Variants in HIVEP1 observed in about 807,000 individuals in gnomAD.
HIVEP1 encodes the protein HIVEP zinc finger 1.
In HIVEP1, 36 loss-of-function variants were observed where a neutral mutation model predicts 180.0. The ratio of observed to expected loss-of-function variants is 0.20; its 90% CI spans 0.15 to 0.26. HIVEP1 has a LOEUF of 0.26. Ranked by LOEUF, HIVEP1 falls within the 10% of genes least tolerant of loss-of-function variation. The pLI, the probability that HIVEP1 is intolerant of heterozygous loss-of-function variation, is 1.00. For synonymous variants in HIVEP1, 1,239 were observed against 1,239.0 expected (o/e 1.00, Z 0.00); for missense variants, 3,143 against 3,268.7 (o/e 0.96, Z 0.94).
rs181917241 is a variant in HIVEP1, at chr6:12,156,227, T to G, written c.6488-5212T>G. On this transcript the variant is annotated intron_variant, in intron 7 of 8. Coordinates refer to ENST00000379388, the MANE Select transcript of HIVEP1 (RefSeq NM_002114.4). ...TGTTCACTCTGATGATAGTTCCTTT[T>G]GTTGTGCAGAAGCTCTGCAGTTTAA... 2.7e-3 allele frequency among the ~76,000 whole-genome samples: 405 copies of G among 152,334 alleles called. 1 individual carries two copies. The highest frequency in any genetic ancestry group is 9.2e-3 in the African/African-American group (382 of 41,584).
chr6:12,154,092 G>A (rs1427789294), intron 7 of HIVEP1, among the ~76,000 whole-genome samples: 1 of 152,162 alleles, frequency 6.6e-6, no homozygotes, highest in African/African-American at 2.4e-5. Flanking sequence ...AGGTTGCAGT[G>A]TACATGTGTA....
In HIVEP1 at chr6:12,163,326, G is replaced by A. The variant is rs771132921; in HGVS notation, c.7022G>A (p.Ser2341Asn). ...VRLPPAAAEH[S>N]PQTAAGMPSV... ...CTTCCTCCTGCTGCAGCTGAGCACAGCCCCCAGACAGCAGCGGGGATGCCT... is the reference window on the plus strand; with the variant it reads ...CTTCCTCCTGCTGCAGCTGAGCACAACCCCCAGACAGCAGCGGGGATGCCT... Residue 2341 changes from serine (S) to asparagine (N), a missense_variant, in exon 9 of 9, where the codon AGC becomes AAC. By Grantham distance (46) the Ser-to-Asn change is conservative. This residue lies in a region of HIVEP1 where 595 missense variants were observed against 602.2 expected (regional missense o/e 0.99). Coordinates refer to ENST00000379388, the MANE Select transcript of HIVEP1 (RefSeq NM_002114.4). The A allele has an allele frequency of 6.2e-6, 10 of 1,614,126 alleles. No homozygotes were observed. In the South Asian group the frequency reaches 9.9e-5, roughly 16 times the overall value.
At chr6:12,068,628 C>T (rs779610072) in intron 2 of HIVEP1, among the ~76,000 whole-genome samples, 3 of 151,972 alleles carry the variant, frequency 2.0e-5, no homozygotes, top group Admixed American at 6.6e-5. Flanking sequence ...TATGTGCACA[C>T]GTATTTGTGA....
the HIVEP1 span, among the ~76,000 whole-genome samples, chr6:12,198,061 A>G: frequency 7.2e-5 from 11 of 152,338 alleles, no homozygotes; most frequent in East Asian, 1.9e-4. Context: ...ATTGGCCTCA[A>G]TGTTGGAAAT....
chr6:12,085,986 G>A (rs1277808658), intron 2 of HIVEP1, among the ~76,000 whole-genome samples: 3 of 152,178 alleles, frequency 2.0e-5, no homozygotes, highest in East Asian at 3.9e-4. Flanking sequence ...TTGAAAATGA[G>A]ATATTTTTGC....
intron 7 of HIVEP1, among the ~76,000 whole-genome samples, chr6:12,153,417 G>A (rs220022): frequency 0.73 from 110,798 of 151,932 alleles, 40,779 homozygotes; most frequent in African/African-American, 0.76. Flanking sequence ...ATCATTCTCT[G>A]AGAAAAAGTC....
chr6:12,017,539 C>T (rs1014236244), intron 2 of HIVEP1, among the ~76,000 whole-genome samples: 2 of 144,312 alleles, frequency 1.4e-5, no homozygotes, highest in South Asian at 2.1e-4. Flanking sequence ...GCAGTTGCAA[C>T]TGCTGCCTCC....
chr6:12,177,168 T>A, the HIVEP1 span, among the ~76,000 whole-genome samples: 17 of 151,406 alleles, frequency 1.1e-4, no homozygotes, highest in Non-Finnish European at 8.8e-5. Flanking sequence ...TACTTGAGGG[T>A]GGAGGGTGGG....
At chr6:12,044,482 GC>G in intron 2 of HIVEP1, among the ~76,000 whole-genome samples, 1 of 152,206 alleles carries the variant, frequency 6.6e-6, no homozygotes, top group South Asian at 2.1e-4. Context: ...AGCAGTCAAA[GC>G]CAGCGCACCT....
At chr6:12,072,601 T>C (rs1478458243) in intron 2 of HIVEP1, among the ~76,000 whole-genome samples, 2 of 152,202 alleles carry the variant, frequency 1.3e-5, no homozygotes, top group African/African-American at 2.4e-5. Context: ...TTTCGTTGCA[T>C]CTGTGTTAGA....
intron 3 of HIVEP1, among the ~76,000 whole-genome samples, chr6:12,105,289 C>T (rs1410635343): frequency 6.6e-6 from 1 of 152,190 alleles, no homozygotes; most frequent in African/African-American, 2.4e-5. Context: ...TTAATGCGGA[C>T]TCCATGCATG....
rs527992818 is a variant in HIVEP1, at chr6:12,071,396, C to T, written c.41-17788C>T. Among the ~76,000 whole-genome samples, 110 of 152,320 alleles carry T rather than the reference C, an allele frequency of 7.2e-4. 1 individual carries two copies. The highest frequency in any genetic ancestry group is 2.5e-3 in the African/African-American group (104 of 41,560). On this transcript the variant is annotated intron_variant, in intron 2 of 8. Coordinates refer to ENST00000379388, the MANE Select transcript of HIVEP1 (RefSeq NM_002114.4). ...CTCCTGATATACTAACTCTTCACCA[C>T]TCTCCTCTCACCTTGTGTATTTACT...
the HIVEP1 span, among the ~76,000 whole-genome samples, chr6:12,194,076 A>G: frequency 2.0e-5 from 3 of 152,208 alleles, no homozygotes; most frequent in African/African-American, 7.2e-5. Flanking sequence ...TACATATGTG[A>G]TTTTGAGGAC....
intron 2 of HIVEP1, among the ~76,000 whole-genome samples, chr6:12,050,214 T>G (rs1259859473): frequency 6.6e-6 from 1 of 152,218 alleles, no homozygotes; most frequent in Non-Finnish European, 1.5e-5. Context: ...ACATGCTCTC[T>G]ACTTGCCAGA....
chr6:12,098,192 T>A (rs1773884889), intron 3 of HIVEP1, among the ~76,000 whole-genome samples: 1 of 152,212 alleles, frequency 6.6e-6, no homozygotes, highest in East Asian at 1.9e-4. Flanking sequence ...ATTAAAATGT[T>A]TTTTAAAATT....
chr6:12,151,471 A>G (rs1477392562), intron 7 of HIVEP1, among the ~76,000 whole-genome samples: 3 of 152,180 alleles, frequency 2.0e-5, no homozygotes, highest in African/African-American at 7.2e-5. Context: ...AAAAGGAGAA[A>G]GTCAGTGTAT....
At chr6:12,026,160 G>A (rs1768573922) in intron 2 of HIVEP1, among the ~76,000 whole-genome samples, 1 of 152,180 alleles carries the variant, frequency 6.6e-6, no homozygotes, top group African/African-American at 2.4e-5. Context: ...CCCTCTTAGA[G>A]TTTTTAATAC....
the HIVEP1 span, among the ~76,000 whole-genome samples, chr6:12,194,781 G>A: frequency 6.6e-6 from 1 of 152,190 alleles, no homozygotes; most frequent in African/African-American, 2.4e-5. Context: ...CAGCCTGGGC[G>A]ACAGAGCGAG....
intron 3 of HIVEP1, among the ~76,000 whole-genome samples, chr6:12,100,090 T>A (rs1366783785): frequency 6.6e-6 from 1 of 152,226 alleles, no homozygotes; most frequent in Non-Finnish European, 1.5e-5. Context: ...TGTGATAGTG[T>A]GAAGAACTGA....
Sources: gnomAD v4.1 joint callset for allele counts (sites outside exome capture counted in the v4.1 genomes callset) on GRCh38, gnomAD v4.1.1 for gene constraint, gnomAD v4.1.1 regional missense constraint, MANE v1.5 for transcripts, NCBI Gene and HGNC (gene_info 2026-07-23, HGNC 2026-07-21) for gene names.